Variants in HOXC5 observed in about 807,000 individuals in gnomAD.
The protein encoded by HOXC5 is homeobox protein Hox-C5.
Under a neutral mutation model 20.1 loss-of-function variants are expected in HOXC5, and 19 were observed. That is an observed-to-expected ratio of 0.94 (90% CI 0.66 to 1.38). HOXC5 has a LOEUF of 1.38. HOXC5 is among the 40% of genes most tolerant of loss of function. The pLI is 0.00. For synonymous variants in HOXC5, 124 were observed against 117.0 expected (o/e 1.06, Z -0.39); for missense variants, 330 against 300.1 (o/e 1.10, Z -0.74).
upstream of HOXC5, chr12:54,028,941 G>C (rs148984909): frequency 9.0e-3 from 14,349 of 1,585,770 alleles, 81 homozygotes; most frequent in Non-Finnish European, 0.011. Context: ...ACAGCTCCGA[G>C]ATATAAATTA....
the HOXC5 span, among the ~76,000 whole-genome samples, chr12:54,026,357 C>T: frequency 8.5e-5 from 13 of 152,188 alleles, no homozygotes; most frequent in African/African-American, 3.1e-4. Flanking sequence ...CTCAGGCATG[C>T]CATGAATTCG....
the HOXC5 span, among the ~76,000 whole-genome samples, chr12:54,018,010 G>T: frequency 2.2e-4 from 33 of 152,214 alleles, no homozygotes; most frequent in Admixed American, 1.1e-3. Flanking sequence ...GGCGGCCGGC[G>T]GGGCCTGTTA....
upstream of HOXC5, chr12:54,032,783 A>C: frequency 6.2e-6 from 1 of 161,692 alleles, no homozygotes; most frequent in Non-Finnish European, 1.3e-5. Flanking sequence ...GGCTACCCCC[A>C]ATTCCAAGAA....
the HOXC5 span, among the ~76,000 whole-genome samples, chr12:54,019,426 G>A: frequency 3.3e-5 from 5 of 152,162 alleles, no homozygotes; most frequent in African/African-American, 1.2e-4. Context: ...AGGGAGTGCG[G>A]TGGGACACAA....
chr12:54,028,945 T>C (rs200362917), upstream of HOXC5: 148 of 1,578,972 alleles, frequency 9.4e-5, no homozygotes, highest in African/African-American at 1.9e-3. Flanking sequence ...CTCCGAGATA[T>C]AAATTAAATA....
chr12:54,025,389 A>T, the HOXC5 span, among the ~76,000 whole-genome samples: 1 of 152,112 alleles, frequency 6.6e-6, no homozygotes, highest in Admixed American at 6.5e-5. Flanking sequence ...AGAAAATATA[A>T]TCCAATGTAG....
At chr12:54,025,036 C>T in the HOXC5 span, among the ~76,000 whole-genome samples, 18 of 152,144 alleles carry the variant, frequency 1.2e-4, no homozygotes, top group African/African-American at 3.6e-4. Flanking sequence ...AAGCCCCTTC[C>T]GAATGCCTGA....
the HOXC5 span, among the ~76,000 whole-genome samples, chr12:54,024,830 C>A: frequency 6.6e-6 from 1 of 152,204 alleles, no homozygotes; most frequent in Non-Finnish European, 1.5e-5. Flanking sequence ...TGACTGCACC[C>A]CACTCAGGTC....
upstream of HOXC5, chr12:54,028,967 C>A: frequency 6.5e-7 from 1 of 1,532,270 alleles, no homozygotes; most frequent in Non-Finnish European, 8.8e-7. Context: ...ACTGAACTGG[C>A]TTTATGACCG....
At chr12:54,025,535 G>A in the HOXC5 span, among the ~76,000 whole-genome samples, 1 of 103,384 alleles carries the variant, frequency 9.7e-6, no homozygotes, top group African/African-American at 4.5e-5. Context: ...ATTGGGGGGG[G>A]GGGAGGTGTT....
chr12:54,031,652 CAG>C (rs1015393067), upstream of HOXC5, among the ~76,000 whole-genome samples: 5 of 152,202 alleles, frequency 3.3e-5, no homozygotes, highest in African/African-American at 7.2e-5. Context: ...AAAAATCCGC[CAG>C]AGTTTTCCGG....
chr12:54,019,576 A>G, the HOXC5 span, among the ~76,000 whole-genome samples: 27 of 152,224 alleles, frequency 1.8e-4, 1 homozygote, highest in South Asian at 5.4e-3. Context: ...ATGGGGGGGA[A>G]CACAAGTGTC....
At chr12:54,030,108 A>G (rs1940925986), upstream of HOXC5, 6 of 787,556 alleles carry the variant, frequency 7.6e-6, no homozygotes, top group Non-Finnish European at 1.2e-5. Flanking sequence ...CGTGGACCTG[A>G]AAGTCAGCTC....
chr12:54,022,933 A>G, the HOXC5 span, among the ~76,000 whole-genome samples: 13 of 152,166 alleles, frequency 8.5e-5, no homozygotes, highest in Non-Finnish European at 1.3e-4. Flanking sequence ...CACACCCCCT[A>G]TTGCGGCTTC....
rs1941126328 is a variant in HOXC5, at chr12:54,034,490, T to C, written c.667T>C (p.Ter223GlnextTer134). The part of the protein sequence containing the change: ...DSKMKSKEAL[*>Q] ...CAAAATGAAAAGCAAAGAGGCTCTT[T>C]AGAGGCAGCGGGGGAGGCCCGCAGA... The change falls in exon 2 of 2, where the codon TAG becomes CAG. Residue 223 changes from the stop codon to glutamine (Q), a stop_lost. Coordinates refer to ENST00000312492, the MANE Select transcript of HOXC5 (RefSeq NM_018953.4). The C allele has an allele frequency of 3.7e-6, 6 of 1,612,358 alleles. No homozygotes were observed. Among genetic ancestry groups the C allele is most frequent in the Non-Finnish European group, 5.1e-6 (6 of 1,179,248 alleles).
the HOXC5 span, among the ~76,000 whole-genome samples, chr12:54,027,109 G>A: frequency 4.6e-5 from 7 of 152,312 alleles, no homozygotes; most frequent in African/African-American, 1.7e-4. Context: ...CACACTTTCC[G>A]CTGTTTCAGT....
At chr12:54,024,382 A>G in the HOXC5 span, among the ~76,000 whole-genome samples, 56,803 of 151,516 alleles carry the variant, frequency 0.37, 10,772 homozygotes, top group East Asian at 0.6. Flanking sequence ...CTGTAGTTGC[A>G]GCGCGGCAGT....
At chr12:54,023,692 A>G in the HOXC5 span, among the ~76,000 whole-genome samples, 1 of 152,106 alleles carries the variant, frequency 6.6e-6, no homozygotes, top group African/African-American at 2.4e-5. Context: ...AGCACCCCCA[A>G]ATGATATCCA....
intron 1 of HOXC5, 70 bp downstream of exon 1, chr12:54,033,646 A>G: frequency 7.6e-7 from 1 of 1,320,566 alleles, no homozygotes; most frequent in Non-Finnish European, 1.0e-6. Context: ...GGGCAAATAA[A>G]GAAAAAAAAC....
Sources: allele counts gnomAD v4.1 joint callset (sites outside exome capture counted in the v4.1 genomes callset), GRCh38; gene constraint gnomAD v4.1.1; transcripts MANE v1.5; gene names NCBI Gene and HGNC (gene_info 2026-07-23, HGNC 2026-07-21).